Variants in ATP6V0A2 observed in about 807,000 individuals in gnomAD.
ATP6V0A2 encodes the protein V-type proton ATPase 116 kDa subunit a 2.
In ATP6V0A2, 58 loss-of-function variants were observed where a neutral mutation model predicts 104.4. That is an observed-to-expected ratio of 0.56 (90% CI 0.45 to 0.69). The LOEUF is 0.69. ATP6V0A2 is among the 30% of genes least tolerant of loss of function. The probability of loss-of-function intolerance (pLI) is 0.00; values close to 1 mark genes in which losing one functional copy is unlikely to be tolerated. For synonymous variants in ATP6V0A2, 376 were observed against 397.9 expected, an observed-to-expected ratio of 0.95 and a Z score of 0.65; for missense variants, 938 against 1,062.9, an observed-to-expected ratio of 0.88 and a Z score of 1.63.
At chr12:123,756,625 A>G (rs970551369) in intron 18 of ATP6V0A2, 190 bp from the exon 19 acceptor site, 15 of 605,782 alleles carry the variant, frequency 2.5e-5, no homozygotes, top group East Asian at 5.6e-5. Context: ...GGTCTTCCTT[A>G]GTGTTTGAGA....
In ATP6V0A2 at chr12:123,748,484, G is replaced by C. The variant is rs1020767523; in HGVS notation, c.1725-91G>C. The C allele has an allele frequency of 2.3e-5, 22 of 936,664 alleles. No individual in the cohort carries two copies. The African/African-American group carries it at 2.9e-4, about 12-fold the overall frequency. The allele number at this position is 936,664 out of a possible 1,614,324, so 58.0% of individuals were successfully genotyped here. A position where few individuals can be genotyped will look rare whatever the true frequency, so the allele number is the denominator to read the frequency against. On this transcript the variant is annotated intron_variant, in intron 14 of 19. Coordinates refer to ENST00000330342, the MANE Select transcript of ATP6V0A2 (RefSeq NM_012463.4). Reference sequence around the variant, plus strand: ...GAGAAATGATGTTATTCTGAAATTCGCTTTATAGTTTAGTTGCAGAGAGTT... The same window carrying C: ...GAGAAATGATGTTATTCTGAAATTCCCTTTATAGTTTAGTTGCAGAGAGTT...
rs144078046 is a variant in ATP6V0A2 at position 123,750,727 on chromosome 12, G to A, written c.1936-383G>A. 119 of 290,288 alleles carry A rather than the reference G, an allele frequency of 4.1e-4. 1 individual carries two copies. Among genetic ancestry groups the A allele is most frequent in the Middle Eastern group, 2.5e-3 (2 of 790 alleles). 18.0% of individuals were successfully genotyped at this position (290,288 alleles called of 1,614,324 possible). On this transcript the variant is annotated intron_variant, in intron 15 of 19. Transcript: ENST00000330342. Reference sequence around the variant, plus strand: ...TGATTCACACTCATAGTCCTCAGACGGTCTTTATAATCATCAAAGAACAGG... The same window carrying A: ...TGATTCACACTCATAGTCCTCAGACAGTCTTTATAATCATCAAAGAACAGG...
In ATP6V0A2 at chr12:123,758,029, A is replaced by G. The variant is rs745307906; in HGVS notation, c.2568A>G (p.Ala856=). 1.2e-6 allele frequency: 2 copies of G among 1,600,534 alleles called. No homozygotes were observed. The highest frequency in any genetic ancestry group is 1.7e-6 in the Non-Finnish European group (2 of 1,167,852). The change falls in exon 20 of 20, where the codon GCA becomes GCG. Residue 856 remains alanine, a synonymous_variant. Transcript: ENST00000330342. ...SSKFNNDDSV[A] ...AGTTCAATAACGACGACAGTGTGGC[A>G]TGATCATATTGCTGTAACCAACAAG...
At chr12:123,753,323 C>T (rs909843884) in intron 17 of ATP6V0A2, among the ~76,000 whole-genome samples, 1 of 152,226 alleles carries the variant, frequency 6.6e-6, no homozygotes, top group Non-Finnish European at 1.5e-5. Flanking sequence ...TATCTTAGTC[C>T]GCTGGGGCTG....
intron 5 of ATP6V0A2, among the ~76,000 whole-genome samples, chr12:123,727,171 A>G (rs1004377503): frequency 2.0e-5 from 3 of 152,190 alleles, no homozygotes; most frequent in African/African-American, 7.2e-5. Context: ...ATCTAGACCC[A>G]GTGCCTGGCT....
In ATP6V0A2 at chr12:123,717,294, A is replaced by G. The variant is rs1234465036; in HGVS notation, c.118-1329A>G. ...ACTGCCAGTACGTTCCAGCCTGGGCAACAGAGCGAAACTCTGTCTCAAAAA... is the reference window on the plus strand; with the variant it reads ...ACTGCCAGTACGTTCCAGCCTGGGCGACAGAGCGAAACTCTGTCTCAAAAA... On this transcript the variant is annotated intron_variant, in intron 1 of 19. Coordinates refer to ENST00000330342, the MANE Select transcript of ATP6V0A2 (RefSeq NM_012463.4). Among the ~76,000 whole-genome samples the G allele has an allele frequency of 6.5e-5, 9 of 138,552 alleles. No individual in the cohort carries two copies. The East Asian group carries it at 2.0e-3, about 30-fold the overall frequency. The allele number at this position is 138,552 out of a possible 152,430, so 90.9% of individuals were successfully genotyped here. A position where few individuals can be genotyped will look rare whatever the true frequency, so the allele number is the denominator to read the frequency against.
chr12:123,751,395 C>G lies in ATP6V0A2; in HGVS notation c.2055+166C>G, dbSNP rs111986323. Among the ~76,000 whole-genome samples, 745 of 152,250 alleles carry G rather than the reference C, an allele frequency of 4.9e-3. 7 individuals carry two copies. The highest frequency in any genetic ancestry group is 0.016 in the African/African-American group (677 of 41,542). On this transcript the variant is annotated intron_variant, in intron 16 of 19. Coordinates refer to ENST00000330342, the MANE Select transcript of ATP6V0A2 (RefSeq NM_012463.4). Reference sequence around the variant, plus strand: ...GTTGGCTGGGTGTGGTGGCTCACACCTATAATCCCAGCACTTTGGGAGGCC... The same window carrying G: ...GTTGGCTGGGTGTGGTGGCTCACACGTATAATCCCAGCACTTTGGGAGGCC...
intron 18 of ATP6V0A2, among the ~76,000 whole-genome samples, chr12:123,755,460 T>A (rs895122596): frequency 6.7e-6 from 1 of 148,326 alleles, no homozygotes; most frequent in Non-Finnish European, 1.5e-5. Flanking sequence ...TGATTGAACT[T>A]AGGAGGCGGA....
chr12:123,733,887 C>T, intron 6 of ATP6V0A2, 39 bp from the exon 7 acceptor site: 1 of 1,472,708 alleles, frequency 6.8e-7, no homozygotes, highest in Non-Finnish European at 9.5e-7. Flanking sequence ...GAAGTTTATA[C>T]ACGCAGAAAT....
chr12:123,718,651 G>T lies in ATP6V0A2; in HGVS notation c.146G>T (p.Arg49Ile), dbSNP rs1232342001. 1 of 1,612,762 alleles carries T rather than the reference G, an allele frequency of 6.2e-7. No homozygotes were observed. The highest frequency in any genetic ancestry group is 2.2e-5 in the East Asian group (1 of 44,830). Residue 49 changes from arginine (R) to isoleucine (I), a missense_variant, in exon 2 of 20, where the codon AGA (arginine) becomes ATA (isoleucine). Arg to Ile is a moderately conservative substitution (Grantham distance 97). Coordinates refer to ENST00000330342, the MANE Select transcript of ATP6V0A2 (RefSeq NM_012463.4). ...DLNQNVSSFQ[R>I]KFVGEVKRCE... The stretch of plus-strand genomic sequence containing the variant: ...AACCAGAACGTAAGTTCTTTCCAAA[G>T]AAAATTTGTTGGTGAGGTGAAGAGG...
chr12:123,747,818 A>C, intron 14 of ATP6V0A2, 93 bp downstream of exon 14: 1 of 791,192 alleles, frequency 1.3e-6, no homozygotes, highest in Non-Finnish European at 2.2e-6. Context: ...TTATTGGGTA[A>C]GGGGCAGCCA....
Position 123,712,525 on chromosome 12 carries a change from C to G in ATP6V0A2, c.-41C>G. The G allele has an allele frequency of 6.7e-7, 1 of 1,482,172 alleles. No homozygotes were observed. 91.8% of individuals were successfully genotyped at this position (1,482,172 alleles called of 1,614,324 possible). On this transcript the variant is annotated 5_prime_UTR_variant, in exon 1 of 20. Coordinates refer to ENST00000330342, the MANE Select transcript of ATP6V0A2 (RefSeq NM_012463.4). Reference sequence around the variant, plus strand: ...TGCGGGCCCGCGCGGCTCGGAGCCGCCGCCGCCCATCGAGCCCCTCCGGGC... The same window carrying G: ...TGCGGGCCCGCGCGGCTCGGAGCCGGCGCCGCCCATCGAGCCCCTCCGGGC...
intron 9 of ATP6V0A2, among the ~76,000 whole-genome samples, chr12:123,738,014 A>G (rs1170698746): frequency 2.0e-5 from 3 of 152,188 alleles, no homozygotes; most frequent in Non-Finnish European, 4.4e-5. Context: ...TTGTAGGGTA[A>G]ATTCCCAGAA....
intron 16 of ATP6V0A2, 94 bp from the exon 17 acceptor site, chr12:123,752,189 A>C: frequency 6.5e-7 from 1 of 1,537,044 alleles, no homozygotes; most frequent in Non-Finnish European, 9.0e-7. Context: ...CAAAGAGCTG[A>C]ATCATTAAGA....
Position 123,757,930 on chromosome 12 carries a change from A to G in ATP6V0A2, c.2469A>G (p.Val823=), listed in dbSNP as rs775830030. ...ACATGGCTTTTTTTTTTTTTAGGGT[A>G]GAATTTCAGAACAAATTCTACGTTG... ...AFLHAIRLHW[V]EFQNKFYVGA... The change falls in exon 20 of 20, where the codon GTA becomes GTG. Residue 823 remains valine (V), a synonymous_variant. Transcript: ENST00000330342. 5.7e-6 allele frequency: 9 copies of G among 1,567,730 alleles called. No individual in the cohort carries two copies. The highest frequency in any genetic ancestry group is 1.8e-5 in the Admixed American group (1 of 55,896).
At position 123,722,443 on chromosome 12, in the gene ATP6V0A2, A is replaced by G. The variant is rs753163543; in HGVS notation, c.289A>G (p.Met97Val). 9 of 1,603,830 alleles carry G rather than the reference A, an allele frequency of 5.6e-6. No homozygotes were observed. Among genetic ancestry groups the G allele is most frequent in the East Asian group, 2.2e-5 (1 of 44,826 alleles). The change falls in exon 3 of 20, where the codon ATG becomes GTG. Residue 97 changes from methionine to valine, a missense_variant. Met to Val is a conservative substitution (Grantham distance 21, BLOSUM62 1). Coordinates refer to ENST00000330342, the MANE Select transcript of ATP6V0A2 (RefSeq NM_012463.4). ...PAPPLKQVLE[M>V]QEQLQKLEVE... ...GCCACCCCTGAAACAGGTTCTAGAA[A>G]TGCAGGTAACTTGCTTCTGACGAAG...
chr12:123,718,227 A>AT (rs1956363252), intron 1 of ATP6V0A2, among the ~76,000 whole-genome samples: 1 of 151,704 alleles, frequency 6.6e-6, no homozygotes, highest in South Asian at 2.1e-4. Flanking sequence ...AGTAGCTGGG[A>AT]TTACAGGTAC....
chr12:123,715,148 T>C (rs1022324317), intron 1 of ATP6V0A2, among the ~76,000 whole-genome samples: 2 of 152,240 alleles, frequency 1.3e-5, no homozygotes, highest in Admixed American at 1.3e-4. Flanking sequence ...TTTGTATTAT[T>C]GCCACAGAAA....
At chr12:123,719,391 T>A (rs567371632) in intron 2 of ATP6V0A2, among the ~76,000 whole-genome samples, 251 of 133,972 alleles carry the variant, frequency 1.9e-3, no homozygotes, top group African/African-American at 8.5e-3. Flanking sequence ...CAAAGCTTGT[T>A]TTTTTTTTTT....
Sources: allele counts gnomAD v4.1 joint callset (sites outside exome capture counted in the v4.1 genomes callset), GRCh38; gene constraint gnomAD v4.1.1; transcripts MANE v1.5; gene names NCBI Gene and HGNC (gene_info 2026-07-23, HGNC 2026-07-21).